SORCS3: variants seen among roughly 807,000 people sequenced by gnomAD.
The protein encoded by SORCS3 is VPS10 domain-containing receptor SorCS3.
Under a neutral mutation model 146.3 loss-of-function variants are expected in SORCS3, and 57 were observed. The ratio of observed to expected loss-of-function variants is 0.39; its 90% confidence interval spans 0.31 to 0.49. The LOEUF (loss-of-function observed/expected upper bound fraction) is 0.49, where lower values mean the gene tolerates loss of function less well. Ranked by LOEUF, SORCS3 falls within the 20% of genes least tolerant of loss-of-function variation. The pLI, the probability that SORCS3 is intolerant of heterozygous loss-of-function variation, is 0.92. For missense variants in SORCS3, 1,341 were observed against 1,575.5 expected (o/e 0.85, Z 2.52); for synonymous variants, 653 against 618.5 (o/e 1.06, Z -0.83).
At chr10:105,010,307 C>G (rs994055467) in intron 4 of SORCS3, among the ~76,000 whole-genome samples, 1 of 152,196 alleles carries the variant, frequency 6.6e-6, no homozygotes, top group African/African-American at 2.4e-5. Context: ...TGCAAACCCT[C>G]TAGTAACTGG....
chr10:105,256,896 G>A lies in SORCS3; in HGVS notation c.3415G>A (p.Ala1139Thr), dbSNP rs1427293797. 1 of 1,614,112 alleles carries A rather than the reference G, an allele frequency of 6.2e-7. No homozygotes were observed. The highest frequency in any genetic ancestry group is 8.5e-7 in the Non-Finnish European group (1 of 1,179,978). Residue 1139 changes from alanine to threonine, a missense_variant, in exon 25 of 27, where the codon GCT (alanine) becomes ACT (threonine). Physicochemically the swap from Ala to Thr is moderately conservative, Grantham distance 58. Coordinates refer to ENST00000369701, the MANE Select transcript of SORCS3 (RefSeq NM_014978.3). ...MLLSVVFVGL[A>T]VFLIYKFKRK... ...ATTATCAGTGGTATTTGTTGGCCTG[G>A]CTGTGTTTTTGATCTACAAGTTTAA...
chr10:105,153,012 G>A (rs2056178562), intron 9 of SORCS3, among the ~76,000 whole-genome samples: 1 of 152,026 alleles, frequency 6.6e-6, no homozygotes, highest in South Asian at 2.1e-4. Context: ...AGTTCTGTGA[G>A]TTTTGATTTG....
intron 5 of SORCS3, among the ~76,000 whole-genome samples, chr10:105,059,960 C>A (rs1206278334): frequency 6.6e-6 from 1 of 152,178 alleles, no homozygotes; most frequent in Non-Finnish European, 1.5e-5. Flanking sequence ...GTTTAAGCTG[C>A]TGAATGTTGA....
chr10:105,223,080 A>G (rs2056713702), intron 19 of SORCS3, 36 bp from the exon 20 acceptor site: 1 of 1,569,582 alleles, frequency 6.4e-7, no homozygotes, highest in Non-Finnish European at 8.7e-7. Context: ...CCACATCCAG[A>G]ATATAAACAC....
chr10:104,699,456 A>G (rs2016254921), intron 1 of SORCS3, among the ~76,000 whole-genome samples: 1 of 152,208 alleles, frequency 6.6e-6, no homozygotes, highest in Non-Finnish European at 1.5e-5. Context: ...TAAGATATCT[A>G]GGATGGTTTC....
intron 11 of SORCS3, among the ~76,000 whole-genome samples, chr10:105,161,662 A>G (rs2056264316): frequency 6.6e-6 from 1 of 152,210 alleles, no homozygotes; most frequent in African/African-American, 2.4e-5. Context: ...GTTTCAAGCT[A>G]GTAATAAAGA....
chr10:104,642,694 C>T (rs2015440885), intron 1 of SORCS3, among the ~76,000 whole-genome samples: 1 of 152,226 alleles, frequency 6.6e-6, no homozygotes, highest in Non-Finnish European at 1.5e-5. Context: ...CACAGGCACA[C>T]GGAAGTCGCT....
At chr10:104,782,029 T>G (rs147470667) in intron 1 of SORCS3, among the ~76,000 whole-genome samples, 296 of 152,366 alleles carry the variant, frequency 1.9e-3, no homozygotes, top group Middle Eastern at 6.8e-3. Flanking sequence ...TGTTTTGGTG[T>G]GCATGTGTAC....
At chr10:105,053,173 C>A (rs1226013483) in intron 5 of SORCS3, among the ~76,000 whole-genome samples, 1 of 152,090 alleles carries the variant, frequency 6.6e-6, no homozygotes, top group Admixed American at 6.6e-5. Context: ...CTCATCCAAA[C>A]CTAATCACTT....
intron 7 of SORCS3, among the ~76,000 whole-genome samples, chr10:105,131,655 C>T (rs568148963): frequency 6.6e-6 from 1 of 152,148 alleles, no homozygotes; most frequent in East Asian, 1.9e-4. Flanking sequence ...AGGTTTGATT[C>T]GTTCATGGTT....
At position 104,656,613 on chromosome 10, in the gene SORCS3, G is replaced by A. The variant is rs1185692367; in HGVS notation, c.627+14659G>A. On this transcript the variant is annotated intron_variant, in intron 1 of 26. Coordinates refer to ENST00000369701, the MANE Select transcript of SORCS3 (RefSeq NM_014978.3). ...CAGGAGGTTGAGGCTGCAGTGAGCT[G>A]TGATCATGCCACTGCACTCTAACCT... 2.0e-5 allele frequency among the ~76,000 whole-genome samples: 3 copies of A among 151,962 alleles called. No individual in the cohort carries two copies. In the East Asian group the frequency reaches 5.8e-4, roughly 29 times the overall value.
At chr10:105,110,047 G>C (rs1336870422) in intron 7 of SORCS3, among the ~76,000 whole-genome samples, 1 of 151,934 alleles carries the variant, frequency 6.6e-6, no homozygotes, top group African/African-American at 2.4e-5. Flanking sequence ...AGACAAAAGA[G>C]AGCCATAATT....
intron 1 of SORCS3, among the ~76,000 whole-genome samples, chr10:104,688,754 G>A (rs775652295): frequency 1.3e-5 from 2 of 152,004 alleles, no homozygotes; most frequent in African/African-American, 4.8e-5. Flanking sequence ...GGATTCTGAC[G>A]CATCCTTAGT....
At chr10:105,229,199 A>AT (rs906471682) in intron 20 of SORCS3, among the ~76,000 whole-genome samples, 8 of 150,688 alleles carry the variant, frequency 5.3e-5, no homozygotes, top group African/African-American at 2.0e-4. Flanking sequence ...ATTTGTCTTC[A>AT]TTTTTTTTAA....
chr10:104,703,912 A>G (rs559442509), intron 1 of SORCS3, among the ~76,000 whole-genome samples: 1 of 152,240 alleles, frequency 6.6e-6, no homozygotes, highest in Non-Finnish European at 1.5e-5. Flanking sequence ...AAACATTGTC[A>G]GCAACCAGCT....
At chr10:104,808,105 T>A (rs935078022) in intron 1 of SORCS3, among the ~76,000 whole-genome samples, 8 of 152,154 alleles carry the variant, frequency 5.3e-5, no homozygotes, top group Non-Finnish European at 1.5e-5. Context: ...GAATTTGGAA[T>A]CTGGGTGGGG....
At chr10:105,035,627 C>A (rs994222888) in intron 4 of SORCS3, among the ~76,000 whole-genome samples, 1 of 151,996 alleles carries the variant, frequency 6.6e-6, no homozygotes, top group Non-Finnish European at 1.5e-5. Context: ...GCCACCAGGC[C>A]TGGCTAATTT....
chr10:105,004,920 G>C (rs1455165238), intron 4 of SORCS3, among the ~76,000 whole-genome samples: 2 of 152,164 alleles, frequency 1.3e-5, no homozygotes, highest in African/African-American at 4.8e-5. Flanking sequence ...AGGCCAGCAT[G>C]AAATACTTAC....
At chr10:104,793,723 T>C (rs2017519366) in intron 1 of SORCS3, among the ~76,000 whole-genome samples, 1 of 152,166 alleles carries the variant, frequency 6.6e-6, no homozygotes, top group African/African-American at 2.4e-5. Flanking sequence ...TTTAGCAAGC[T>C]GAAAGGAAGA....
Sources: gnomAD v4.1 joint callset for allele counts (sites outside exome capture counted in the v4.1 genomes callset) on GRCh38, gnomAD v4.1.1 for gene constraint, MANE v1.5 for transcripts, NCBI Gene and HGNC (gene_info 2026-07-23, HGNC 2026-07-21) for gene names.